The following DCAF8L2 variants were observed in gnomAD, a reference collection of about 807,000 sequenced individuals.
DCAF8L2 encodes DDB1- and CUL4-associated factor 8-like protein 2.
For synonymous variants in DCAF8L2, 200 were observed against 190.9 expected, an observed-to-expected ratio of 1.05 and a Z score of -0.39; for missense variants, 430 against 490.7, an observed-to-expected ratio of 0.88 and a Z score of 1.17.
intron 2 of DCAF8L2, among the ~76,000 whole-genome samples, chrX:27,654,546 A>G (rs1171053679): frequency 1.8e-5 from 2 of 112,171 alleles, no homozygotes; most frequent in East Asian, 2.8e-4. Flanking sequence ...TAGACAATCA[A>G]CAAGCTGTGG....
intron 1 of DCAF8L2, among the ~76,000 whole-genome samples, chrX:27,600,662 G>T (rs1178261758): frequency 8.9e-6 from 1 of 112,044 alleles, no homozygotes; most frequent in Admixed American, 9.5e-5. Flanking sequence ...GTGCAGAGTT[G>T]TATTTGTTCA....
At chrX:27,496,405 C>T in the DCAF8L2 span, among the ~76,000 whole-genome samples, 1 of 111,525 alleles carries the variant, frequency 9.0e-6, no homozygotes, top group Non-Finnish European at 1.9e-5. Context: ...TGCCACATTT[C>T]CTTCTTACCT....
intron 2 of DCAF8L2, among the ~76,000 whole-genome samples, chrX:27,652,426 G>A (rs1358113064): frequency 9.0e-6 from 1 of 111,554 alleles, no homozygotes; most frequent in African/African-American, 3.3e-5. Context: ...ACTCTTAACA[G>A]CATCAAGCAA....
chrX:27,727,786 T>G (rs1027758035), intron 4 of DCAF8L2, among the ~76,000 whole-genome samples: 1 of 111,782 alleles, frequency 8.9e-6, no homozygotes, highest in African/African-American at 3.2e-5. Flanking sequence ...TCTAAGAACA[T>G]GTATATAAAT....
At chrX:27,622,687 T>A (rs1392465930) in intron 1 of DCAF8L2, among the ~76,000 whole-genome samples, 10 of 111,037 alleles carry the variant, frequency 9.0e-5, no homozygotes, top group Non-Finnish European at 1.5e-4. Flanking sequence ...AAAAATCAGG[T>A]ACACTTAAAT....
At chrX:27,506,336 G>T in the DCAF8L2 span, among the ~76,000 whole-genome samples, 1 of 111,701 alleles carries the variant, frequency 9.0e-6, no homozygotes, top group African/African-American at 3.3e-5. Flanking sequence ...TCCATGAAAA[G>T]ATAAGTGTAG....
intron 2 of DCAF8L2, among the ~76,000 whole-genome samples, chrX:27,652,417 C>G (rs1929187460): frequency 9.0e-6 from 1 of 111,614 alleles, no homozygotes; most frequent in Non-Finnish European, 1.9e-5. Context: ...GACTCAGTTA[C>G]TCTTAACAGC....
the DCAF8L2 span, among the ~76,000 whole-genome samples, chrX:27,529,897 C>A: frequency 9.0e-6 from 1 of 111,550 alleles, no homozygotes; most frequent in Non-Finnish European, 1.9e-5. Flanking sequence ...GAATTAAGTT[C>A]ATGGGTATAG....
the DCAF8L2 span, among the ~76,000 whole-genome samples, chrX:27,482,304 A>AT: frequency 3.3e-4 from 37 of 111,497 alleles, no homozygotes; most frequent in Admixed American, 2.9e-3. Flanking sequence ...AGAACATCAA[A>AT]TTTTTTTACA....
chrX:27,592,398 T>G (rs1404595219), intron 1 of DCAF8L2, among the ~76,000 whole-genome samples: 2 of 88,377 alleles, frequency 2.3e-5, no homozygotes, highest in African/African-American at 4.4e-5. Flanking sequence ...GAGAGCATTG[T>G]TTTTTTTTGT....
the DCAF8L2 span, among the ~76,000 whole-genome samples, chrX:27,509,949 G>A: frequency 1.8e-5 from 2 of 110,842 alleles, no homozygotes; most frequent in Admixed American, 9.7e-5. Flanking sequence ...TAAATAAGAG[G>A]CACTTTTCTT....
At chrX:27,552,355 T>TA in the DCAF8L2 span, among the ~76,000 whole-genome samples, 3 of 111,391 alleles carry the variant, frequency 2.7e-5, no homozygotes, top group Admixed American at 9.6e-5. Context: ...TGTAGTCTTA[T>TA]AAAAAAAATC....
chrX:27,523,409 AGTGTGTGT>A, the DCAF8L2 span, among the ~76,000 whole-genome samples: 5,676 of 96,409 alleles, frequency 0.059, 136 homozygotes, highest in Non-Finnish European at 0.072. Context: ...CTGTCTACTG[AGTGTGTGT>A]GTGTGTGTGT....
At chrX:27,626,701 T>G (rs1928025005) in intron 1 of DCAF8L2, among the ~76,000 whole-genome samples, 1 of 112,082 alleles carries the variant, frequency 8.9e-6, no homozygotes, top group African/African-American at 3.2e-5. Context: ...CATACTTGTT[T>G]CAGTTATCAA....
the DCAF8L2 span, among the ~76,000 whole-genome samples, chrX:27,469,415 A>T: frequency 0.012 from 1,397 of 112,095 alleles, 64 homozygotes; most frequent in Admixed American, 0.1. Flanking sequence ...ATTTGGAGTT[A>T]AAAATGCTCA....
chrX:27,658,351 G>A (rs1035793249), intron 2 of DCAF8L2, among the ~76,000 whole-genome samples: 1 of 111,670 alleles, frequency 9.0e-6, no homozygotes, highest in Non-Finnish European at 1.9e-5. Context: ...TTCTTCCCCA[G>A]GGTTAAGCCA....
intron 2 of DCAF8L2, among the ~76,000 whole-genome samples, chrX:27,656,547 T>G (rs757028096): frequency 8.9e-6 from 1 of 111,864 alleles, no homozygotes; most frequent in East Asian, 2.8e-4. Context: ...TTCATGTGTT[T>G]TGGGCTTCAT....
chrX:27,639,829 C>T (rs149174841), intron 2 of DCAF8L2, among the ~76,000 whole-genome samples: 2,553 of 111,705 alleles, frequency 0.023, 62 homozygotes, highest in African/African-American at 0.077. Context: ...CATTTTTAAT[C>T]GTAATACATA....
At chrX:27,509,703 C>A in the DCAF8L2 span, among the ~76,000 whole-genome samples, 2 of 111,423 alleles carry the variant, frequency 1.8e-5, no homozygotes, top group Non-Finnish European at 3.8e-5. Context: ...AAGATTTACT[C>A]TTTTGTTCTT....
Sources: gnomAD v4.1 joint callset for allele counts (sites outside exome capture counted in the v4.1 genomes callset) on GRCh38, gnomAD v4.1.1 for gene constraint, MANE v1.5 for transcripts, NCBI Gene and HGNC (gene_info 2026-07-23, HGNC 2026-07-21) for gene names.